The following RAPGEF4 variants were observed in gnomAD, a reference collection of about 807,000 sequenced individuals.
The protein encoded by RAPGEF4 is Rap guanine nucleotide exchange factor 4.
In RAPGEF4, 66 loss-of-function variants were observed where a neutral mutation model predicts 147.9. That is an observed-to-expected ratio of 0.45 (90% confidence interval 0.37 to 0.55). The LOEUF (loss-of-function observed/expected upper bound fraction) is 0.55, where lower values mean the gene tolerates loss of function less well. Among genes scored for constraint, RAPGEF4 ranks in the 20% least tolerant of loss-of-function variants. The pLI, the probability that RAPGEF4 is intolerant of heterozygous loss-of-function variation, is 0.00. For synonymous variants in RAPGEF4, 419 were observed against 442.7 expected, an observed-to-expected ratio of 0.95 and a Z score of 0.67; for missense variants, 1,071 against 1,257.3, an observed-to-expected ratio of 0.85 and a Z score of 2.24.
chr2:172,980,540 A>C (rs1209784423), intron 10 of RAPGEF4, among the ~76,000 whole-genome samples: 2 of 152,174 alleles, frequency 1.3e-5, no homozygotes, highest in African/African-American at 4.8e-5. Context: ...GGGGAGGAGC[A>C]TGGGGAGAGG....
chr2:172,872,902 T>A (rs1030154232), intron 4 of RAPGEF4, among the ~76,000 whole-genome samples: 107 of 152,248 alleles, frequency 7.0e-4, no homozygotes, highest in African/African-American at 2.5e-3. Context: ...TCACAAGCAG[T>A]AGTGGTGTTA....
At chr2:172,736,632 C>T (rs1165934276) in intron 1 of RAPGEF4, among the ~76,000 whole-genome samples, 1 of 152,182 alleles carries the variant, frequency 6.6e-6, no homozygotes, top group Non-Finnish European at 1.5e-5. Flanking sequence ...ACCTGCTTCT[C>T]GGGAAAAGAT....
chr2:172,993,442 C>T (rs1202240333), intron 15 of RAPGEF4, among the ~76,000 whole-genome samples: 2 of 152,208 alleles, frequency 1.3e-5, no homozygotes, highest in Non-Finnish European at 2.9e-5. Flanking sequence ...ACACCCTTCT[C>T]TATTCTAGGA....
intron 3 of RAPGEF4, among the ~76,000 whole-genome samples, chr2:172,812,806 G>A (rs1481307457): frequency 3.9e-5 from 6 of 152,206 alleles, no homozygotes; most frequent in Non-Finnish European, 8.8e-5. Context: ...AAATGAAATA[G>A]GCTAGTGGGA....
At chr2:172,911,659 A>G (rs536794559) in intron 4 of RAPGEF4, among the ~76,000 whole-genome samples, 6 of 149,940 alleles carry the variant, frequency 4.0e-5, no homozygotes, top group African/African-American at 1.5e-4. Context: ...AGGTTTCACC[A>G]TGTTGGCCAG....
chr2:172,836,870 C>T (rs1267271945), intron 4 of RAPGEF4, among the ~76,000 whole-genome samples: 3 of 152,148 alleles, frequency 2.0e-5, no homozygotes, highest in Non-Finnish European at 2.9e-5. Context: ...ATGATTATTT[C>T]TATTTTTGTG....
At chr2:172,867,235 A>AGT (rs1694753757) in intron 4 of RAPGEF4, among the ~76,000 whole-genome samples, 3 of 152,166 alleles carry the variant, frequency 2.0e-5, no homozygotes, top group Non-Finnish European at 4.4e-5. Flanking sequence ...GGCCTCCCAA[A>AGT]GTGCTGGGAT....
intron 11 of RAPGEF4, among the ~76,000 whole-genome samples, chr2:172,984,771 G>A (rs975618979): frequency 2.6e-5 from 4 of 152,102 alleles, no homozygotes; most frequent in African/African-American, 9.7e-5. Flanking sequence ...GTCCCGATCC[G>A]ACTTCCCTGG....
intron 1 of RAPGEF4, among the ~76,000 whole-genome samples, chr2:172,759,039 GT>G (rs1696049603): frequency 6.6e-6 from 1 of 152,226 alleles, no homozygotes; most frequent in Non-Finnish European, 1.5e-5. Context: ...TGTCAACCGT[GT>G]TTTGAAAGGC....
At chr2:172,892,474 G>A (rs1698033192) in intron 4 of RAPGEF4, among the ~76,000 whole-genome samples, 1 of 152,128 alleles carries the variant, frequency 6.6e-6, no homozygotes, top group Admixed American at 6.5e-5. Flanking sequence ...AGCCTTTCTG[G>A]CTCAGGACTG....
rs185303201 is a variant in RAPGEF4, at chr2:172,883,860, A to G, written c.445-33942A>G. On this transcript the variant is annotated intron_variant, in intron 4 of 30. Transcript: ENST00000397081. The stretch of plus-strand genomic sequence containing the variant: ...TGCAAAATATGGTTTGGAAGAAGGC[A>G]AGAGCATTGGGTCCTTCCTTACCTT... 6.1e-3 allele frequency among the ~76,000 whole-genome samples: 931 copies of G among 152,286 alleles called. 4 individuals are homozygous for G. The highest frequency in any genetic ancestry group is 7.3e-3 in the Non-Finnish European group (494 of 68,030).
chr2:172,919,930 A>G (rs2113807), intron 5 of RAPGEF4, among the ~76,000 whole-genome samples: 78,458 of 151,738 alleles, frequency 0.52, 24,135 homozygotes, highest in East Asian at 0.8. Context: ...GCATGTTCAC[A>G]GTCTTCCTTT....
intron 4 of RAPGEF4, among the ~76,000 whole-genome samples, chr2:172,824,759 A>G (rs1689483605): frequency 6.6e-6 from 1 of 152,222 alleles, no homozygotes; most frequent in Non-Finnish European, 1.5e-5. Flanking sequence ...GCTCCTGGGA[A>G]ATTTCACTGT....
intron 1 of RAPGEF4, among the ~76,000 whole-genome samples, chr2:172,764,405 CAG>C (rs1295037415): frequency 3.3e-5 from 5 of 152,322 alleles, no homozygotes; most frequent in African/African-American, 1.2e-4. Flanking sequence ...ATGGAACTTG[CAG>C]AGGTACCATC....
chr2:172,789,187 A>T (rs1271526094), intron 1 of RAPGEF4, among the ~76,000 whole-genome samples: 1 of 152,222 alleles, frequency 6.6e-6, no homozygotes, highest in Non-Finnish European at 1.5e-5. Context: ...GGTCAGGCCC[A>T]ACCAGGAAAA....
intron 7 of RAPGEF4, 79 bp from the exon 8 acceptor site, chr2:172,961,043 G>A: frequency 8.8e-7 from 1 of 1,136,504 alleles, no homozygotes. Context: ...TTGGAAAGTG[G>A]TTTCAGGATT....
At chr2:172,847,629 C>T (rs1421439002) in intron 4 of RAPGEF4, among the ~76,000 whole-genome samples, 1 of 152,142 alleles carries the variant, frequency 6.6e-6, no homozygotes. Flanking sequence ...GAGAAGAAAG[C>T]AGGTGGTTCT....
In RAPGEF4 at chr2:172,869,528, A is replaced by T. The variant is rs1226430742; in HGVS notation, c.445-48274A>T. On this transcript the variant is annotated intron_variant, in intron 4 of 30. Transcript: ENST00000397081. ...ACTATAGATGGAAAATTGTTTTCTA[A>T]TATTTAGATGTTTCACCCATGTAGC... Among the ~76,000 whole-genome samples the T allele has an allele frequency of 2.0e-5, 3 of 152,148 alleles. No homozygotes were observed. The East Asian group carries it at 5.8e-4, about 29-fold the overall frequency.
chr2:172,737,216 T>C (rs1217276857), intron 1 of RAPGEF4, among the ~76,000 whole-genome samples: 1 of 152,318 alleles, frequency 6.6e-6, no homozygotes, highest in East Asian at 1.9e-4. Context: ...AGTGCCCTAT[T>C]TATGTCTAAA....
Sources: gnomAD v4.1 joint callset for allele counts (sites outside exome capture counted in the v4.1 genomes callset) on GRCh38, gnomAD v4.1.1 for gene constraint, MANE v1.5 for transcripts, NCBI Gene and HGNC (gene_info 2026-07-23, HGNC 2026-07-21) for gene names.